Variants in CNTNAP2 observed in about 807,000 individuals in gnomAD.
The protein encoded by CNTNAP2 is contactin-associated protein-like 2.
In CNTNAP2, 98 loss-of-function variants were observed where a neutral mutation model predicts 155.2. That is an observed-to-expected ratio of 0.63 (90% confidence interval 0.54 to 0.75). CNTNAP2 has a LOEUF of 0.75. CNTNAP2 is among the 30% of genes least tolerant of loss of function. CNTNAP2 has a pLI of 0.00. For missense variants in CNTNAP2, 1,727 were observed against 1,688.1 expected, an observed-to-expected ratio of 1.02 and a Z score of -0.40; for synonymous variants, 651 against 631.2, an observed-to-expected ratio of 1.03 and a Z score of -0.47.
intron 5 of CNTNAP2, among the ~76,000 whole-genome samples, chr7:147,119,646 A>G (rs1392324764): frequency 6.6e-6 from 1 of 152,116 alleles, no homozygotes; most frequent in Non-Finnish European, 1.5e-5. Flanking sequence ...ACCATAAAAG[A>G]AGAAAATATG....
At chr7:147,884,800 A>C (rs536108820) in intron 13 of CNTNAP2, among the ~76,000 whole-genome samples, 1 of 152,306 alleles carries the variant, frequency 6.6e-6, no homozygotes, top group Non-Finnish European at 1.5e-5. Context: ...TGCCACTTTT[A>C]TTAACTGCTT....
At chr7:147,132,584 T>A in intron 8 of CNTNAP2, 75 bp downstream of exon 8, 3 of 1,593,242 alleles carry the variant, frequency 1.9e-6, no homozygotes, top group African/African-American at 1.3e-5. Context: ...CTTTGTTTGG[T>A]TTTGCTGGTG....
intron 3 of CNTNAP2, among the ~76,000 whole-genome samples, chr7:147,007,286 T>C (rs372368126): frequency 6.6e-6 from 1 of 152,098 alleles, no homozygotes; most frequent in East Asian, 1.9e-4. Flanking sequence ...CAGATGTGGC[T>C]ACTGTTAATT....
At chr7:148,396,102 T>C (rs996981480) in intron 22 of CNTNAP2, among the ~76,000 whole-genome samples, 1 of 152,108 alleles carries the variant, frequency 6.6e-6, no homozygotes, top group African/African-American at 2.4e-5. Context: ...CTGTGTCACG[T>C]GGGGCTGGCT....
intron 11 of CNTNAP2, among the ~76,000 whole-genome samples, chr7:147,519,320 A>G (rs1348778224): frequency 1.3e-5 from 2 of 152,100 alleles, no homozygotes; most frequent in Non-Finnish European, 2.9e-5. Context: ...CTCACATCGC[A>G]TTGCTCTGGC....
intron 21 of CNTNAP2, among the ~76,000 whole-genome samples, chr7:148,273,218 A>C (rs1344165485): frequency 6.6e-6 from 1 of 152,226 alleles, no homozygotes; most frequent in Non-Finnish European, 1.5e-5. Context: ...AGCCTAAATA[A>C]ACTTTGAAAC....
chr7:146,344,751 G>C (rs1482891425), intron 1 of CNTNAP2, among the ~76,000 whole-genome samples: 1 of 152,134 alleles, frequency 6.6e-6, no homozygotes, highest in Non-Finnish European at 1.5e-5. Context: ...GTGCTGGATT[G>C]CTGGCATGAG....
chr7:147,554,072 G>T lies in CNTNAP2; in HGVS notation c.1778-8066G>T, dbSNP rs1584809250. ...TATAGGATCTGAGCAAGATGAACTG[G>T]ATGCTAAGCTTCTTCGTCCAGACCC... On this transcript the variant is annotated intron_variant, in intron 11 of 23. Coordinates refer to ENST00000361727, the MANE Select transcript of CNTNAP2 (RefSeq NM_014141.6). Among the ~76,000 whole-genome samples the T allele has an allele frequency of 2.0e-5, 3 of 152,212 alleles. No homozygotes were observed. In the East Asian group the frequency reaches 5.8e-4, roughly 29 times the overall value.
At chr7:148,276,857 T>C (rs1796878464) in intron 21 of CNTNAP2, among the ~76,000 whole-genome samples, 1 of 152,224 alleles carries the variant, frequency 6.6e-6, no homozygotes, top group South Asian at 2.1e-4. Context: ...CACATTGTAA[T>C]GCACAAAGCA....
At chr7:147,125,732 G>A (rs2129283801) in intron 6 of CNTNAP2, among the ~76,000 whole-genome samples, 1 of 152,184 alleles carries the variant, frequency 6.6e-6, no homozygotes, top group South Asian at 2.1e-4. Context: ...GTGTGACAGT[G>A]GACAATTCAT....
intron 1 of CNTNAP2, among the ~76,000 whole-genome samples, chr7:146,513,539 C>T: frequency 6.6e-6 from 1 of 151,908 alleles, no homozygotes. Flanking sequence ...ACTTTGATAA[C>T]AAAGAAAAGA....
intron 1 of CNTNAP2, among the ~76,000 whole-genome samples, chr7:146,158,520 A>G (rs993500851): frequency 2.6e-5 from 4 of 152,232 alleles, no homozygotes; most frequent in African/African-American, 9.6e-5. Context: ...ATGGCTAACT[A>G]GAATAAACAG....
chr7:148,034,589 A>G (rs2116467770), intron 15 of CNTNAP2, among the ~76,000 whole-genome samples: 1 of 152,326 alleles, frequency 6.6e-6, no homozygotes, highest in Non-Finnish European at 1.5e-5. Context: ...ACCCAGTCTC[A>G]GGTATTCTGT....
At chr7:147,507,065 C>T (rs1391272753) in intron 11 of CNTNAP2, among the ~76,000 whole-genome samples, 2 of 152,028 alleles carry the variant, frequency 1.3e-5, no homozygotes, top group Non-Finnish European at 2.9e-5. Flanking sequence ...ATGATCAGAC[C>T]TATTGTAGAC....
At chr7:146,925,920 T>C (rs1373196741) in intron 3 of CNTNAP2, among the ~76,000 whole-genome samples, 1 of 152,142 alleles carries the variant, frequency 6.6e-6, no homozygotes, top group Non-Finnish European at 1.5e-5. Context: ...CTGTAAGTTA[T>C]TGAGATCTCT....
intron 1 of CNTNAP2, among the ~76,000 whole-genome samples, chr7:146,354,608 C>T (rs1361300723): frequency 6.6e-6 from 1 of 151,832 alleles, no homozygotes; most frequent in African/African-American, 2.4e-5. Flanking sequence ...AAAGATGGGG[C>T]TTCACAATGT....
chr7:148,141,911 C>T (rs1805080588), intron 16 of CNTNAP2, among the ~76,000 whole-genome samples: 1 of 152,018 alleles, frequency 6.6e-6, no homozygotes, highest in Non-Finnish European at 1.5e-5. Flanking sequence ...GGAGAAAGTC[C>T]TATGTGGTGG....
At chr7:146,839,987 G>T (rs1562968881) in intron 3 of CNTNAP2, 83 bp downstream of exon 3, 1 of 1,434,654 alleles carries the variant, frequency 7.0e-7, no homozygotes, top group Non-Finnish European at 9.7e-7. Flanking sequence ...AGCATATATA[G>T]TTATCAATAT....
At chr7:146,663,631 T>C (rs1185295562) in intron 1 of CNTNAP2, among the ~76,000 whole-genome samples, 2 of 152,144 alleles carry the variant, frequency 1.3e-5, no homozygotes, top group Non-Finnish European at 2.9e-5. Flanking sequence ...TGTTTGTATT[T>C]TAAACTGTAC....
Sources: gnomAD v4.1 joint callset for allele counts (sites outside exome capture counted in the v4.1 genomes callset) on GRCh38, gnomAD v4.1.1 for gene constraint, MANE v1.5 for transcripts, NCBI Gene and HGNC (gene_info 2026-07-23, HGNC 2026-07-21) for gene names.